TTC28: variants seen among roughly 807,000 people sequenced by gnomAD.
TTC28 encodes tetratricopeptide repeat protein 28.
Under a neutral mutation model 198.0 loss-of-function variants are expected in TTC28, and 61 were observed. The ratio of observed to expected loss-of-function variants is 0.31; its 90% CI spans 0.25 to 0.38. The LOEUF is 0.38. Among genes scored for constraint, TTC28 ranks in the 10% least tolerant of loss-of-function variants. The pLI is 1.00. For missense variants in TTC28, 2,678 were observed against 3,164.0 expected, an observed-to-expected ratio of 0.85 and a Z score of 3.69; for synonymous variants, 1,171 against 1,297.8, an observed-to-expected ratio of 0.90 and a Z score of 2.10.
chr22:28,468,649 G>T (rs1213344968), intron 2 of TTC28, among the ~76,000 whole-genome samples: 17 of 150,474 alleles, frequency 1.1e-4, no homozygotes, highest in Admixed American at 1.1e-3. Context: ...TCAGCCTCCA[G>T]AGTAGCTGGG....
At chr22:28,013,559 G>A (rs934653449) in intron 14 of TTC28, among the ~76,000 whole-genome samples, 3 of 152,196 alleles carry the variant, frequency 2.0e-5, no homozygotes, top group Non-Finnish European at 2.9e-5. Flanking sequence ...AATATCTGAG[G>A]CTGAGGGCAA....
Position 28,096,240 on chromosome 22 carries a change from T to C in TTC28, c.3716A>G (p.Tyr1239Cys), listed in dbSNP as rs1053853673. ...ATACAGATAGCCTGCAGCCAGGGAA[T>C]AGTAAAGCACTAGTCCCCTCTGGCC... ...VNGQRGLVLY[Y>C]SLAAGYLYSW... The change falls in exon 11 of 23, where the codon TAT (tyrosine) becomes TGT (cysteine). Residue 1239 changes from tyrosine to cysteine, a missense_variant. Coordinates refer to ENST00000397906, the MANE Select transcript of TTC28 (RefSeq NM_001145418.2). 4 of 1,551,446 alleles carry C rather than the reference T, an allele frequency of 2.6e-6. No individual in the cohort carries two copies. Among genetic ancestry groups the C allele is most frequent in the Non-Finnish European group, 2.6e-6 (3 of 1,146,836 alleles).
chr22:28,417,974 G>C (rs781632947), intron 2 of TTC28, among the ~76,000 whole-genome samples: 5 of 152,148 alleles, frequency 3.3e-5, no homozygotes, highest in Admixed American at 6.5e-5. Context: ...TGCATTAAAA[G>C]ACAGATCTTT....
chr22:28,669,280 T>G (rs2051838631), intron 1 of TTC28, among the ~76,000 whole-genome samples: 1 of 142,522 alleles, frequency 7.0e-6, no homozygotes, highest in Admixed American at 7.0e-5. Context: ...TGTGCACATG[T>G]ACCCTAAAAC....
intron 2 of TTC28, among the ~76,000 whole-genome samples, chr22:28,518,467 T>C (rs1211627789): frequency 6.6e-6 from 1 of 151,900 alleles, no homozygotes; most frequent in Admixed American, 6.6e-5. Context: ...AATACAAAAA[T>C]CAGCCAGGGA....
At chr22:28,538,925 G>A (rs1433642218) in intron 2 of TTC28, among the ~76,000 whole-genome samples, 1 of 152,098 alleles carries the variant, frequency 6.6e-6, no homozygotes. Context: ...ATATTTTAAA[G>A]AACTTGTGTG....
intron 2 of TTC28, among the ~76,000 whole-genome samples, chr22:28,559,601 T>C (rs1423273332): frequency 6.6e-6 from 1 of 152,204 alleles, no homozygotes; most frequent in Non-Finnish European, 1.5e-5. Flanking sequence ...CAGTCTTGCC[T>C]CTCTGTAGTC....
intron 2 of TTC28, among the ~76,000 whole-genome samples, chr22:28,462,213 C>T (rs1320846031): frequency 3.9e-5 from 6 of 152,180 alleles, no homozygotes; most frequent in Admixed American, 3.9e-4. Context: ...GAGTATACTT[C>T]CTGCTCCAGT....
chr22:28,530,357 A>G (rs1054708217), intron 2 of TTC28, among the ~76,000 whole-genome samples: 1 of 152,216 alleles, frequency 6.6e-6, no homozygotes, highest in Admixed American at 6.5e-5. Context: ...ACAAGTTTAG[A>G]GAAAAAAGAG....
intron 12 of TTC28, among the ~76,000 whole-genome samples, chr22:28,084,731 C>T (rs1032244116): frequency 2.0e-5 from 3 of 151,640 alleles, no homozygotes; most frequent in Non-Finnish European, 2.9e-5. Context: ...GAAGGAAGTT[C>T]GAACCAATGG....
chr22:28,101,047 A>C, intron 9 of TTC28, 124 bp downstream of exon 9: 1 of 656,518 alleles, frequency 1.5e-6, no homozygotes, highest in East Asian at 3.0e-5. Context: ...GGGAAATCAT[A>C]CACATTAGCC....
intron 9 of TTC28, among the ~76,000 whole-genome samples, 156 bp from the exon 10 acceptor site, chr22:28,099,200 T>C (rs1254939481): frequency 1.3e-5 from 2 of 152,162 alleles, no homozygotes; most frequent in Non-Finnish European, 2.9e-5. Context: ...TAAGGAAAAA[T>C]GGATGTGCTG....
intron 2 of TTC28, among the ~76,000 whole-genome samples, chr22:28,620,349 C>CAAAA (rs34680067): frequency 7.0e-6 from 1 of 142,558 alleles, no homozygotes; most frequent in Non-Finnish European, 1.5e-5. Context: ...ATCTCTGTCT[C>CAAAA]AAAAAAAAAA....
intron 12 of TTC28, among the ~76,000 whole-genome samples, chr22:28,030,896 C>T (rs1235644144): frequency 6.6e-6 from 1 of 152,210 alleles, no homozygotes; most frequent in Non-Finnish European, 1.5e-5. Context: ...GACAAACATG[C>T]TGACAAGTGG....
In TTC28 at chr22:28,163,508, A is replaced by C. The variant is rs2147056948; in HGVS notation, c.1025T>G (p.Leu342Arg). Residue 342 changes from leucine to arginine, a missense_variant, in exon 6 of 23, where the codon CTT becomes CGT. Physicochemically the swap from Leu to Arg is moderately radical, Grantham distance 102. Coordinates refer to ENST00000397906, the MANE Select transcript of TTC28 (RefSeq NM_001145418.2). ...NALASHKQCV[L>R]LAKQSKDELS... ...TTCATCTTTGGATTGCTTGGCAAGA[A>C]GAACACACTGTTTGTGACTGGCCAG... The C allele has an allele frequency of 6.4e-7, 1 of 1,551,848 alleles. No individual in the cohort carries two copies. The highest frequency in any genetic ancestry group is 8.7e-7 in the Non-Finnish European group (1 of 1,147,022).
chr22:28,257,905 C>G (rs903246560), intron 5 of TTC28, among the ~76,000 whole-genome samples: 4 of 151,216 alleles, frequency 2.6e-5, no homozygotes, highest in African/African-American at 9.7e-5. Flanking sequence ...TTACAAAAAC[C>G]ATCAGTTGAT....
At chr22:28,085,360 C>T (rs924981801) in intron 12 of TTC28, among the ~76,000 whole-genome samples, 4 of 152,148 alleles carry the variant, frequency 2.6e-5, no homozygotes, top group African/African-American at 9.7e-5. Flanking sequence ...CAATATTCAA[C>T]ATTCTTAAAG....
chr22:28,162,369 G>A (rs1921314431), intron 6 of TTC28, among the ~76,000 whole-genome samples: 1 of 152,060 alleles, frequency 6.6e-6, no homozygotes, highest in African/African-American at 2.4e-5. Context: ...CATTTCCTGT[G>A]GGGTTAATTC....
intron 2 of TTC28, among the ~76,000 whole-genome samples, chr22:28,566,716 A>G (rs991137611): frequency 7.2e-5 from 11 of 152,226 alleles, no homozygotes; most frequent in African/African-American, 2.7e-4. Flanking sequence ...AAAAAAGAAC[A>G]AAGAGAAAAA....
Sources: allele counts gnomAD v4.1 joint callset (sites outside exome capture counted in the v4.1 genomes callset), GRCh38; gene constraint gnomAD v4.1.1; transcripts MANE v1.5; gene names NCBI Gene and HGNC (gene_info 2026-07-23, HGNC 2026-07-21).